FAM89A: variants seen among roughly 807,000 people sequenced by gnomAD.
FAM89A encodes protein FAM89A.
In FAM89A, 10 loss-of-function variants were observed where a neutral mutation model predicts 7.1. That is an observed-to-expected ratio of 1.40 (90% CI 0.86 to 2.38). FAM89A has a LOEUF of 2.38. Ranked by LOEUF, FAM89A falls within the 30% of genes most tolerant of loss-of-function variation. FAM89A has a pLI of 0.00. For missense variants in FAM89A, 276 were observed against 262.8 expected (o/e 1.05, Z -0.35); for synonymous variants, 157 against 129.3 (o/e 1.21, Z -1.45).
intron 1 of FAM89A, among the ~76,000 whole-genome samples, chr1:231,032,207 T>C (rs1680082541): frequency 6.6e-6 from 1 of 152,246 alleles, no homozygotes; most frequent in African/African-American, 2.4e-5. Context: ...CTTAAACATA[T>C]TTTAAAATTA....
intron 1 of FAM89A, among the ~76,000 whole-genome samples, chr1:231,037,560 C>T (rs540609059): frequency 1.3e-5 from 2 of 152,268 alleles, no homozygotes; most frequent in Non-Finnish European, 2.9e-5. Context: ...GTTGAGCCTC[C>T]AAAGTCCAGC....
rs34183379 is a variant in FAM89A at position 231,024,202 on chromosome 1, C to CAA, written c.292-4078_292-4077dup. Among the ~76,000 whole-genome samples, 45 of 145,096 alleles carry CAA rather than the reference C, an allele frequency of 3.1e-4. 1 individual carries two copies. The highest frequency in any genetic ancestry group is 1.1e-3 in the African/African-American group (44 of 38,740). On this transcript the variant is annotated intron_variant, in intron 1 of 1. Coordinates refer to ENST00000366654, the MANE Select transcript of FAM89A (RefSeq NM_198552.3). ...TGGAAATAAAACCATTAATTTGAAC[C>CAA]AAAAAAAAAAAAAGATGCATGGGTA...
chr1:231,040,108 AGCAGCCC>A lies in FAM89A; in HGVS notation c.97_103del (p.Gly33CysfsTer30). On this transcript the variant is annotated frameshift_variant, in exon 1 of 2. Coordinates refer to ENST00000366654, the MANE Select transcript of FAM89A (RefSeq NM_198552.3). LOFTEE classifies it high-confidence loss of function. ...CGCGCCGCCGCCCGACGCCGAGTGCAGCAGCCCGCTCAAGCTCTTTGGCAGCGGGGGC... is the reference window on the plus strand; with the variant it reads ...CGCGCCGCCGCCCGACGCCGAGTGCAGCTCAAGCTCTTTGGCAGCGGGGGC... The A allele has an allele frequency of 1.4e-6, 2 of 1,424,416 alleles. No individual in the cohort carries two copies. Among genetic ancestry groups the A allele is most frequent in the Non-Finnish European group, 1.8e-6 (2 of 1,088,170 alleles). The allele number at this position is 1,424,416 out of a possible 1,614,324, so 88.2% of individuals were successfully genotyped here.
intron 1 of FAM89A, among the ~76,000 whole-genome samples, chr1:231,034,262 A>G (rs914404628): frequency 6.6e-6 from 1 of 152,226 alleles, no homozygotes; most frequent in African/African-American, 2.4e-5. Context: ...CTTCTTCTGT[A>G]GGCATCAGAA....
At chr1:231,020,547 T>A (rs1034293596) in intron 1 of FAM89A, among the ~76,000 whole-genome samples, 3 of 152,212 alleles carry the variant, frequency 2.0e-5, no homozygotes, top group African/African-American at 4.8e-5. Context: ...AGGATCTGAC[T>A]GATGCAGTCA....
rs1047837447 is a variant in FAM89A, at chr1:231,019,144, C to T, written c.*719G>A. Reference sequence around the variant, plus strand: ...ATTTGCCATCTTACAGTGAGTGATACATCACATTGGCTTGCCCCAGTTTTT... The same window carrying T: ...ATTTGCCATCTTACAGTGAGTGATATATCACATTGGCTTGCCCCAGTTTTT... On this transcript the variant is annotated 3_prime_UTR_variant, in exon 2 of 2. Transcript: ENST00000366654. 2.0e-5 allele frequency: 3 copies of T among 149,644 alleles called. No individual in the cohort carries two copies. Among genetic ancestry groups the T allele is most frequent in the African/African-American group, 4.9e-5 (2 of 40,646 alleles). The allele number at this position is 149,644 out of a possible 1,614,324, so 9.3% of individuals were successfully genotyped here.
At chr1:231,035,166 G>A (rs148977088) in intron 1 of FAM89A, among the ~76,000 whole-genome samples, 5 of 152,192 alleles carry the variant, frequency 3.3e-5, no homozygotes, top group African/African-American at 1.2e-4. Flanking sequence ...CAGCTAATGA[G>A]CTGGAATCCA....
intron 1 of FAM89A, among the ~76,000 whole-genome samples, chr1:231,028,968 A>T (rs113820805): frequency 9.7e-4 from 148 of 151,848 alleles, no homozygotes; most frequent in African/African-American, 3.2e-3. Flanking sequence ...ATACAAATAC[A>T]CTCCAGACAG....
chr1:231,023,992 A>C (rs967803213), intron 1 of FAM89A, among the ~76,000 whole-genome samples: 1 of 152,228 alleles, frequency 6.6e-6, no homozygotes, highest in Non-Finnish European at 1.5e-5. Flanking sequence ...TCCTAAATTA[A>C]ATTGATAAAA....
intron 1 of FAM89A, among the ~76,000 whole-genome samples, chr1:231,024,342 C>T (rs1174252344): frequency 6.6e-6 from 1 of 152,032 alleles, no homozygotes; most frequent in African/African-American, 2.4e-5. Context: ...ATGGCTTTCA[C>T]AAAAGGAAGC....
At chr1:231,037,928 C>T (rs747987183) in intron 1 of FAM89A, among the ~76,000 whole-genome samples, 12 of 152,192 alleles carry the variant, frequency 7.9e-5, no homozygotes, top group Admixed American at 5.2e-4. Flanking sequence ...TCCCCTGCCA[C>T]AGATTTGACG....
chr1:231,030,806 CTG>C (rs1180332590), intron 1 of FAM89A, among the ~76,000 whole-genome samples: 3 of 152,124 alleles, frequency 2.0e-5, no homozygotes, highest in Non-Finnish European at 4.4e-5. Flanking sequence ...GAAATTAAAA[CTG>C]AGAAAATTTA....
intron 1 of FAM89A, among the ~76,000 whole-genome samples, chr1:231,030,176 G>A (rs898495816): frequency 1.3e-5 from 2 of 152,156 alleles, no homozygotes; most frequent in Non-Finnish European, 2.9e-5. Context: ...AAACATATTC[G>A]TGTCATCTGG....
At chr1:231,026,362 C>A (rs570570738) in intron 1 of FAM89A, 2 of 152,384 alleles carry the variant, frequency 1.3e-5, no homozygotes, top group Admixed American at 6.5e-5. Context: ...AAGGGAAACT[C>A]TCAAATAGGA....
At chr1:231,021,569 A>T in intron 1 of FAM89A, 1 of 1,169,170 alleles carries the variant, frequency 8.6e-7, no homozygotes. Context: ...GGTATAGATC[A>T]CTTCCTTTTC....
At chr1:231,026,593 A>AGTAATTACAGTAATCTGAACGTCATTACT (rs1679976770) in intron 1 of FAM89A, 1 of 152,174 alleles carries the variant, frequency 6.6e-6, no homozygotes, top group Admixed American at 6.6e-5. Flanking sequence ...TTTACTTTCC[A>AGTAATTACAGTAATCTGAACGTCATTACT]CCACCCCATG....
At chr1:231,036,943 C>T (rs1238548291) in intron 1 of FAM89A, among the ~76,000 whole-genome samples, 2 of 152,250 alleles carry the variant, frequency 1.3e-5, no homozygotes, top group African/African-American at 4.8e-5. Context: ...ACCTTGCTAA[C>T]TGCCATACAG....
chr1:231,018,960 T>C lies in FAM89A; in HGVS notation c.*903A>G, dbSNP rs1367001703. 1 of 152,224 alleles carries C rather than the reference T, an allele frequency of 6.6e-6. No individual in the cohort carries two copies. The highest frequency in any genetic ancestry group is 2.4e-5 in the African/African-American group (1 of 41,460). The allele number at this position is 152,224 out of a possible 1,614,324, so 9.4% of individuals were successfully genotyped here. On this transcript the variant is annotated 3_prime_UTR_variant, in exon 2 of 2. Transcript: ENST00000366654. ...AGAATAAAATAACACATGACACAGA[T>C]AGTTTAGCATTTTATCCTCATTTTT...
chr1:231,039,496 T>C (rs1356453340), intron 1 of FAM89A, among the ~76,000 whole-genome samples: 2 of 152,190 alleles, frequency 1.3e-5, no homozygotes, highest in East Asian at 3.9e-4. Flanking sequence ...AAAGTTGTCC[T>C]CTTCGTGGTA....
Sources: gnomAD v4.1 joint callset for allele counts (sites outside exome capture counted in the v4.1 genomes callset) on GRCh38, gnomAD v4.1.1 for gene constraint, MANE v1.5 for transcripts, NCBI Gene and HGNC (gene_info 2026-07-23, HGNC 2026-07-21) for gene names.